Variants in NEGR1 observed in about 807,000 individuals in gnomAD.
The protein encoded by NEGR1 is neuronal growth regulator 1, also known as IgLON family member 4.
In NEGR1, 10 loss-of-function variants were observed where a neutral mutation model predicts 40.9. That is an observed-to-expected ratio of 0.24 (90% CI 0.15 to 0.42). The LOEUF is 0.42. Among genes scored for constraint, NEGR1 ranks in the 10% least tolerant of loss-of-function variants. NEGR1 has a pLI of 1.00. For missense variants in NEGR1, 352 were observed against 438.9 expected (o/e 0.80, Z 1.77); for synonymous variants, 185 against 166.8 (o/e 1.11, Z -0.84).
chr1:71,634,305 C>A lies in NEGR1; in HGVS notation c.668-23159G>T, dbSNP rs34309797. On this transcript the variant is annotated intron_variant, in intron 4 of 6. Transcript: ENST00000357731. Reference sequence around the variant, plus strand: ...GATCTTAAGTAAAGAGCAGGTGCACCCAGTGGGTGGCTCAGCAAAATGTTA... The same window carrying A: ...GATCTTAAGTAAAGAGCAGGTGCACACAGTGGGTGGCTCAGCAAAATGTTA... Among the ~76,000 whole-genome samples, 540 of 152,112 alleles carry A rather than the reference C, an allele frequency of 3.6e-3. 2 individuals are homozygous for A. Among genetic ancestry groups the A allele is most frequent in the Non-Finnish European group, 6.6e-3 (447 of 67,998 alleles).
intron 6 of NEGR1, chr1:71,472,689 G>A (rs923366225): frequency 2.0e-5 from 3 of 152,046 alleles, no homozygotes; most frequent in African/African-American, 7.2e-5. Context: ...GATGGGTGGT[G>A]GGAAACAAAA....
intron 2 of NEGR1, among the ~76,000 whole-genome samples, chr1:71,915,845 G>T (rs1661561286): frequency 6.6e-6 from 1 of 152,204 alleles, no homozygotes; most frequent in Non-Finnish European, 1.5e-5. Flanking sequence ...CATATTACTT[G>T]CCCTCATGTG....
intron 4 of NEGR1, among the ~76,000 whole-genome samples, chr1:71,611,437 T>C (rs1417745566): frequency 6.6e-6 from 1 of 152,186 alleles, no homozygotes; most frequent in African/African-American, 2.4e-5. Context: ...TAACACTCCA[T>C]CTGTACTCCA....
At chr1:72,224,937 T>G (rs1283467990) in intron 1 of NEGR1, among the ~76,000 whole-genome samples, 1 of 152,068 alleles carries the variant, frequency 6.6e-6, no homozygotes, top group African/African-American at 2.4e-5. Context: ...AGGTTATAGT[T>G]ATTTCAATGG....
chr1:72,157,973 C>A (rs1438851307), intron 1 of NEGR1, among the ~76,000 whole-genome samples: 4 of 152,164 alleles, frequency 2.6e-5, no homozygotes, highest in African/African-American at 9.7e-5. Context: ...TTGAGCAAAT[C>A]TCTCCCATTT....
At chr1:72,161,478 G>A (rs570844494) in intron 1 of NEGR1, among the ~76,000 whole-genome samples, 1 of 152,092 alleles carries the variant, frequency 6.6e-6, no homozygotes, top group African/African-American at 2.4e-5. Flanking sequence ...TTACAGTGAT[G>A]TAGTGAGTGG....
intron 2 of NEGR1, among the ~76,000 whole-genome samples, chr1:71,910,998 T>C (rs1483025151): frequency 6.6e-6 from 1 of 152,126 alleles, no homozygotes; most frequent in Non-Finnish European, 1.5e-5. Flanking sequence ...ACTCCCAGCC[T>C]AGAGTCTTAG....
chr1:71,920,705 G>T (rs939250313), intron 2 of NEGR1, among the ~76,000 whole-genome samples: 1 of 152,198 alleles, frequency 6.6e-6, no homozygotes, highest in Non-Finnish European at 1.5e-5. Context: ...TTTAGAGTTA[G>T]TGTCCAAAAT....
intron 1 of NEGR1, among the ~76,000 whole-genome samples, chr1:72,158,856 T>C (rs1651455427): frequency 6.6e-6 from 1 of 152,170 alleles, no homozygotes; most frequent in African/African-American, 2.4e-5. Context: ...TGACTATAAT[T>C]GAAATGGAGA....
At chr1:71,621,947 G>A (rs569019824) in intron 4 of NEGR1, among the ~76,000 whole-genome samples, 20 of 151,968 alleles carry the variant, frequency 1.3e-4, no homozygotes, top group South Asian at 1.0e-3. Flanking sequence ...GTGAATAAAA[G>A]TGCAGTAAGA....
intron 6 of NEGR1, among the ~76,000 whole-genome samples, chr1:71,585,661 GTAAT>G (rs1375507405): frequency 7.1e-6 from 1 of 140,022 alleles, no homozygotes. Context: ...CATCAGTAGA[GTAAT>G]TAATCTTGTA....
intron 2 of NEGR1, among the ~76,000 whole-genome samples, chr1:71,932,915 A>C (rs537780684): frequency 6.6e-6 from 1 of 152,232 alleles, no homozygotes; most frequent in Admixed American, 6.6e-5. Flanking sequence ...TTAGTACTTG[A>C]ATTGACTGAC....
chr1:72,097,035 A>T (rs1648729392), intron 1 of NEGR1, among the ~76,000 whole-genome samples: 2 of 152,142 alleles, frequency 1.3e-5, no homozygotes, highest in African/African-American at 4.8e-5. Flanking sequence ...TGCACTTTCA[A>T]GTTTAAATTT....
intron 1 of NEGR1, among the ~76,000 whole-genome samples, chr1:71,946,331 T>C (rs369193989): frequency 2.0e-5 from 3 of 152,136 alleles, no homozygotes; most frequent in Admixed American, 6.6e-5. Context: ...GTATGGTTCA[T>C]ATAACAATTT....
intron 3 of NEGR1, among the ~76,000 whole-genome samples, chr1:71,750,078 C>G (rs554957297): frequency 7.3e-5 from 11 of 151,164 alleles, no homozygotes; most frequent in African/African-American, 2.4e-4. Flanking sequence ...ACTGCAAGCT[C>G]CGCTTCCCAG....
chr1:72,268,021 T>C (rs1023323705), intron 1 of NEGR1, among the ~76,000 whole-genome samples: 4 of 151,272 alleles, frequency 2.6e-5, no homozygotes, highest in Non-Finnish European at 3.0e-5. Flanking sequence ...AGAAACAATA[T>C]GTGTGAGGTC....
At chr1:72,133,643 T>C (rs1390079343) in intron 1 of NEGR1, among the ~76,000 whole-genome samples, 2 of 151,830 alleles carry the variant, frequency 1.3e-5, no homozygotes, top group Non-Finnish European at 2.9e-5. Context: ...GTCAACTTTT[T>C]ATAAGGCAAA....
chr1:72,064,122 C>A (rs1647220861), intron 1 of NEGR1, among the ~76,000 whole-genome samples: 2 of 151,726 alleles, frequency 1.3e-5, no homozygotes, highest in African/African-American at 2.4e-5. Context: ...ATCATACTGG[C>A]CAGAAGAATG....
intron 1 of NEGR1, among the ~76,000 whole-genome samples, chr1:72,028,616 C>T (rs752229608): frequency 7.9e-5 from 12 of 152,254 alleles, no homozygotes; most frequent in Non-Finnish European, 1.8e-4. Flanking sequence ...TTTCATGTCA[C>T]TGTCCTTGTA....
Sources: allele counts gnomAD v4.1 joint callset (sites outside exome capture counted in the v4.1 genomes callset), GRCh38; gene constraint gnomAD v4.1.1; transcripts MANE v1.5; gene names NCBI Gene and HGNC (gene_info 2026-07-23, HGNC 2026-07-21).